Variants in PCDHGB4 observed in about 807,000 individuals in gnomAD.
The protein encoded by PCDHGB4 is protocadherin gamma-B4.
PCDHGB4 carries 38 observed loss-of-function variants against 60.5 expected under a neutral mutation model. That is an observed-to-expected ratio of 0.63 (90% CI 0.48 to 0.82). The LOEUF (loss-of-function observed/expected upper bound fraction) is 0.82. Ranked by LOEUF, PCDHGB4 falls within the 40% of genes least tolerant of loss-of-function variation. The pLI is 0.00. For synonymous variants in PCDHGB4, 456 were observed against 509.7 expected, an observed-to-expected ratio of 0.89 and a Z score of 1.42; for missense variants, 1,109 against 1,209.6, an observed-to-expected ratio of 0.92 and a Z score of 1.23.
At position 141,404,477 on chromosome 5, in the gene PCDHGB4, T is replaced by C. The variant is rs750187565; in HGVS notation, c.2397+14196T>C. On this transcript the variant is annotated intron_variant, in intron 1 of 3. Coordinates refer to ENST00000519479, the MANE Select transcript of PCDHGB4 (RefSeq NM_003736.4). ...TCTCTCCACCTATGTCTCTATTAAC[T>C]CAGACACTGGTGTGCTGTATGCTCT... is the stretch of plus-strand genomic sequence containing the variant. The C allele has an allele frequency of 3.1e-6, 5 of 1,613,408 alleles. No individual in the cohort carries two copies. In the South Asian group the frequency reaches 4.4e-5, roughly 14 times the overall value.
chr5:141,404,214 C>A, intron 1 of PCDHGB4: 1 of 1,613,562 alleles, frequency 6.2e-7, no homozygotes, highest in Non-Finnish European at 8.5e-7. Flanking sequence ...TATAATATCA[C>A]GGTGACTGCA....
chr5:141,504,224 C>T (rs2099836716), intron 2 of PCDHGB4, among the ~76,000 whole-genome samples: 2 of 152,160 alleles, frequency 1.3e-5, no homozygotes, highest in African/African-American at 4.8e-5. Flanking sequence ...TAGAGCTGAA[C>T]CTTCTAAGAA....
intron 1 of PCDHGB4, chr5:141,422,035 C>A: frequency 6.2e-7 from 1 of 1,611,086 alleles, no homozygotes; most frequent in South Asian, 1.1e-5. Flanking sequence ...TGCAACGGAT[C>A]CAGACGAGGG....
intron 1 of PCDHGB4, among the ~76,000 whole-genome samples, chr5:141,434,054 C>T (rs1241950753): frequency 6.6e-6 from 1 of 152,094 alleles, no homozygotes; most frequent in Non-Finnish European, 1.5e-5. Flanking sequence ...ATTCAATGGC[C>T]TGTAATCTGT....
At chr5:141,402,469 A>G (rs2094270515) in intron 1 of PCDHGB4, among the ~76,000 whole-genome samples, 1 of 152,224 alleles carries the variant, frequency 6.6e-6, no homozygotes. Context: ...ATCTAGAAAT[A>G]GAGTGCAAAG....
chr5:141,433,401 A>ATCTATCTATCTATCTC (rs1444244130), intron 1 of PCDHGB4, among the ~76,000 whole-genome samples: 1 of 150,482 alleles, frequency 6.6e-6, no homozygotes, highest in African/African-American at 2.4e-5. Context: ...CTATCTATCT[A>ATCTATCTATCTATCTC]TCTATTACTT....
At position 141,422,108 on chromosome 5, in the gene PCDHGB4, A is replaced by G. The variant is rs766617894; in HGVS notation, c.2397+31827A>G. 4.4e-6 allele frequency: 7 copies of G among 1,606,984 alleles called. No homozygotes were observed. In the East Asian group the frequency reaches 1.6e-4, roughly 36 times the overall value. ...GAAAGCAAGGCTTCTGAAATATTCCAATTGGATTCACAAACTGGAGAAGTT... is the reference window on the plus strand; with the variant it reads ...GAAAGCAAGGCTTCTGAAATATTCCGATTGGATTCACAAACTGGAGAAGTT... On this transcript the variant is annotated intron_variant, in intron 1 of 3. Transcript: ENST00000519479.
At chr5:141,402,971 T>C in intron 1 of PCDHGB4, 2 of 1,608,370 alleles carry the variant, frequency 1.2e-6, no homozygotes. Flanking sequence ...TCCAACCAAA[T>C]GCCAGCTCCG....
At chr5:141,504,991 G>A (rs896449285) in intron 2 of PCDHGB4, among the ~76,000 whole-genome samples, 44 of 152,034 alleles carry the variant, frequency 2.9e-4, no homozygotes, top group Admixed American at 2.6e-3. Context: ...GTGAAACCCC[G>A]TCTGTACTAA....
chr5:141,414,227 T>C (rs771676386), intron 1 of PCDHGB4: 2 of 1,613,430 alleles, frequency 1.2e-6, no homozygotes, highest in Non-Finnish European at 1.7e-6. Flanking sequence ...AGTCCAGAGC[T>C]GACCATCACG....
chr5:141,418,150 A>C (rs1377300460), intron 1 of PCDHGB4: 2 of 1,614,112 alleles, frequency 1.2e-6, no homozygotes, highest in Non-Finnish European at 8.5e-7. Context: ...AAATATGCAA[A>C]GAGAGAAGAA....
intron 1 of PCDHGB4, among the ~76,000 whole-genome samples, chr5:141,456,780 T>A (rs1392367637): frequency 1.3e-5 from 2 of 152,000 alleles, no homozygotes; most frequent in Non-Finnish European, 2.9e-5. Flanking sequence ...CTGGCCTACA[T>A]GGCAAAACCC....
intron 1 of PCDHGB4, chr5:141,395,335 T>C (rs2093216572): frequency 6.9e-7 from 1 of 1,441,668 alleles, no homozygotes; most frequent in Non-Finnish European, 9.2e-7. Flanking sequence ...GAAAATAATT[T>C]TTAAGGTGTA....
chr5:141,414,420 C>G, intron 1 of PCDHGB4: 1 of 1,613,822 alleles, frequency 6.2e-7, no homozygotes, highest in Non-Finnish European at 8.5e-7. Flanking sequence ...GAGCCCTTGA[C>G]AGGGAACAGG....
At chr5:141,481,762 GC>G (rs1307001837) in intron 1 of PCDHGB4, among the ~76,000 whole-genome samples, 1 of 152,126 alleles carries the variant, frequency 6.6e-6, no homozygotes, top group Admixed American at 6.5e-5. Context: ...GACCAGCCTG[GC>G]CAACATGGTG....
chr5:141,453,997 A>C (rs1332821058), intron 1 of PCDHGB4, among the ~76,000 whole-genome samples: 2 of 152,242 alleles, frequency 1.3e-5, no homozygotes, highest in Non-Finnish European at 2.9e-5. Context: ...TGATAAACCC[A>C]CATAACATTT....
chr5:141,408,279 A>G (rs1313502495), intron 1 of PCDHGB4: 1 of 1,612,184 alleles, frequency 6.2e-7, no homozygotes, highest in Admixed American at 1.7e-5. Flanking sequence ...CCTTTGTTCT[A>G]CCCCACCCTG....
rs1421670958 is a variant in PCDHGB4, at chr5:141,432,558, A to C, written c.2397+42277A>C. ...GTGGCGGTGGACAGAGACTCCGGCC[A>C]GAACGCCTGGCTGTCCTACCGTCTG... On this transcript the variant is annotated intron_variant, in intron 1 of 3. Transcript: ENST00000519479. This position sits in a 1 kb window ranked among gnomAD's most constrained non-coding sequence, Gnocchi z 6.0. The C allele has an allele frequency of 1.9e-6, 3 of 1,613,756 alleles. No individual in the cohort carries two copies. The highest frequency in any genetic ancestry group is 2.2e-5 in the South Asian group (2 of 91,060).
rs2099701571 is a variant in PCDHGB4, at chr5:141,490,550, A to G, written c.2398-4257A>G. On this transcript the variant is annotated intron_variant, in intron 1 of 3. Coordinates refer to ENST00000519479, the MANE Select transcript of PCDHGB4 (RefSeq NM_003736.4). This position sits in a 1 kb window ranked among gnomAD's most constrained non-coding sequence, Gnocchi z 5.4. ...GCTGGTTCACCTTCCCTACACAAACATCTCACCATCAGGCTCAACATTTCA... is the reference window on the plus strand; with the variant it reads ...GCTGGTTCACCTTCCCTACACAAACGTCTCACCATCAGGCTCAACATTTCA... 1 of 1,614,092 alleles carries G rather than the reference A, an allele frequency of 6.2e-7. No individual in the cohort carries two copies.
Sources: gnomAD v4.1 joint callset for allele counts (sites outside exome capture counted in the v4.1 genomes callset) on GRCh38, gnomAD v4.1.1 for gene constraint, Gnocchi (gnomAD v3.1) non-coding constraint, MANE v1.5 for transcripts, NCBI Gene and HGNC (gene_info 2026-07-23, HGNC 2026-07-21) for gene names.